TEX14: variants seen among roughly 807,000 people sequenced by gnomAD.
The protein encoded by TEX14 is inactive serine/threonine-protein kinase TEX14.
In TEX14, 168 loss-of-function variants were observed where a neutral mutation model predicts 178.6. That is an observed-to-expected ratio of 0.94 (90% CI 0.83 to 1.07). The LOEUF (loss-of-function observed/expected upper bound fraction) is 1.07. TEX14 is among the 50% of genes least tolerant of loss of function. The pLI is 0.00. For missense variants in TEX14, 1,730 were observed against 1,753.6 expected (o/e 0.99, Z 0.24); for synonymous variants, 626 against 634.1 (o/e 0.99, Z 0.19).
chr17:58,573,592 C>T (rs186521133), intron 22 of TEX14, among the ~76,000 whole-genome samples: 60 of 152,260 alleles, frequency 3.9e-4, no homozygotes, highest in Non-Finnish European at 6.9e-4. Context: ...GATCTCGGCT[C>T]ACTGCAACCT....
intron 24 of TEX14, among the ~76,000 whole-genome samples, chr17:58,570,952 G>A (rs1001103759): frequency 5.9e-5 from 9 of 151,944 alleles, no homozygotes; most frequent in African/African-American, 2.2e-4. Context: ...ATCCCTGACT[G>A]CCTCCTCAGC....
intron 2 of TEX14, among the ~76,000 whole-genome samples, chr17:58,638,022 C>T (rs180686035): frequency 1.1e-4 from 17 of 151,906 alleles, no homozygotes; most frequent in African/African-American, 1.9e-4. Flanking sequence ...CCACCACACC[C>T]GGCTAATTTT....
chr17:58,621,571 AG>A (rs1285044846), intron 5 of TEX14, 78 bp downstream of exon 5: 8 of 1,443,302 alleles, frequency 5.5e-6, no homozygotes, highest in Non-Finnish European at 7.5e-6. Flanking sequence ...GGAGGAGCTG[AG>A]GCAACCCATG....
chr17:58,637,488 T>A (rs768297021), intron 2 of TEX14, among the ~76,000 whole-genome samples: 2 of 152,104 alleles, frequency 1.3e-5, no homozygotes, highest in Non-Finnish European at 2.9e-5. Context: ...GGGCTGAAGG[T>A]TAAATTGATC....
chr17:58,580,774 A>C (rs1321511729), intron 19 of TEX14, among the ~76,000 whole-genome samples: 2 of 152,228 alleles, frequency 1.3e-5, no homozygotes, highest in African/African-American at 4.8e-5. Context: ...TTCATTTTAC[A>C]AATGAAAATA....
intron 1 of TEX14, among the ~76,000 whole-genome samples, chr17:58,665,381 G>A (rs2047186212): frequency 6.7e-6 from 1 of 150,352 alleles, no homozygotes; most frequent in Non-Finnish European, 1.5e-5. Flanking sequence ...AGGCAGGATG[G>A]CTTGAGGCCA....
At chr17:58,564,009 C>T (rs2044345803) in intron 28 of TEX14, 1 of 151,798 alleles carries the variant, frequency 6.6e-6, no homozygotes, top group Non-Finnish European at 1.5e-5. Context: ...AAAGCCTCCA[C>T]CCCCACAAAA....
chr17:58,615,436 A>T, intron 7 of TEX14, 91 bp from the exon 8 acceptor site: 1 of 833,346 alleles, frequency 1.2e-6, no homozygotes, highest in Admixed American at 2.0e-5. Flanking sequence ...GACCAGAGAA[A>T]TGGTCTCCAC....
chr17:58,671,579 T>C (rs2047304392), intron 1 of TEX14, among the ~76,000 whole-genome samples: 1 of 152,168 alleles, frequency 6.6e-6, no homozygotes, highest in Non-Finnish European at 1.5e-5. Flanking sequence ...CTTTGTCTCC[T>C]GCCTGTGGTC....
At position 58,666,672 on chromosome 17, in the gene TEX14, C is replaced by T. The variant is rs572680818; in HGVS notation, c.-1-14670G>A. 7.9e-5 allele frequency: 12 copies of T among 152,306 alleles called. No individual in the cohort carries two copies. In the East Asian group the frequency reaches 2.3e-3, roughly 29 times the overall value. The allele number at this position is 152,306 out of a possible 1,614,324, so 9.4% of individuals were successfully genotyped here. Reference sequence around the variant, plus strand: ...CAGGGAAAAACCACCTCCATAATCACAGTATTTCTCCTGACAGGTAATTAT... The same window carrying T: ...CAGGGAAAAACCACCTCCATAATCATAGTATTTCTCCTGACAGGTAATTAT... On this transcript the variant is annotated intron_variant, in intron 1 of 31. Transcript: ENST00000349033.
chr17:58,558,223 C>T (rs1176914136), intron 30 of TEX14, among the ~76,000 whole-genome samples: 1 of 152,186 alleles, frequency 6.6e-6, no homozygotes, highest in Non-Finnish European at 1.5e-5. Context: ...GAAGTGACTA[C>T]ATACAGAGGT....
intron 28 of TEX14, among the ~76,000 whole-genome samples, chr17:58,562,936 T>C (rs1209296019): frequency 6.6e-6 from 1 of 152,028 alleles, no homozygotes; most frequent in Non-Finnish European, 1.5e-5. Flanking sequence ...TCCAGGCATG[T>C]TGGCATGAGC....
In TEX14 at chr17:58,557,760, A is replaced by G. The variant is rs776674415; in HGVS notation, c.4319+39T>C. 6 of 1,552,278 alleles carry G rather than the reference A, an allele frequency of 3.9e-6. No homozygotes were observed. The East Asian group carries it at 1.4e-4, about 35-fold the overall frequency. On this transcript the variant is annotated intron_variant, in intron 31 of 31. Transcript: ENST00000349033. Reference sequence around the variant, plus strand: ...TTAAGTCTGCTTCTGTTGTCTATAAACATGACTTTTGATCTACAAACATCT... The same window carrying G: ...TTAAGTCTGCTTCTGTTGTCTATAAGCATGACTTTTGATCTACAAACATCT...
chr17:58,630,270 C>T (rs560841893), intron 3 of TEX14, among the ~76,000 whole-genome samples, 170 bp downstream of exon 3: 14 of 151,236 alleles, frequency 9.3e-5, no homozygotes, highest in Non-Finnish European at 1.9e-4. Context: ...GTTGGTGAGG[C>T]TAGTCTCTAA....
At chr17:58,616,341 A>AG in intron 6 of TEX14, 36 bp from the exon 7 acceptor site, 3 of 1,601,890 alleles carry the variant, frequency 1.9e-6, no homozygotes, top group Non-Finnish European at 2.6e-6. Context: ...TATGGGGAGA[A>AG]GGGGGGAAAA....
intron 17 of TEX14, among the ~76,000 whole-genome samples, chr17:58,586,793 T>C (rs1278288716): frequency 1.3e-5 from 2 of 151,984 alleles, no homozygotes; most frequent in African/African-American, 4.8e-5. Flanking sequence ...GGCACTTGCA[T>C]GTTCTCCCCG....
At chr17:58,597,586 A>T (rs1245549660) in intron 14 of TEX14, among the ~76,000 whole-genome samples, 1 of 152,072 alleles carries the variant, frequency 6.6e-6, no homozygotes, top group Non-Finnish European at 1.5e-5. Flanking sequence ...CCGCATCTTG[A>T]CATCTCTGGG....
At chr17:58,615,405 G>T in intron 7 of TEX14, 60 bp from the exon 8 acceptor site, 1 of 1,022,574 alleles carries the variant, frequency 9.8e-7, no homozygotes, top group Non-Finnish European at 1.5e-6. Context: ...CTCCTTCAAT[G>T]AATAAGCTTT....
intron 1 of TEX14, among the ~76,000 whole-genome samples, chr17:58,664,271 T>G (rs945943814): frequency 1.3e-5 from 2 of 152,222 alleles, no homozygotes; most frequent in Non-Finnish European, 2.9e-5. Context: ...AATGCCAGGC[T>G]GACCACAGCT....
Sources: gnomAD v4.1 joint callset for allele counts (sites outside exome capture counted in the v4.1 genomes callset) on GRCh38, gnomAD v4.1.1 for gene constraint, MANE v1.5 for transcripts, NCBI Gene and HGNC (gene_info 2026-07-23, HGNC 2026-07-21) for gene names.